MYO5A: variants seen among roughly 807,000 people sequenced by gnomAD.
The protein encoded by MYO5A is unconventional myosin-Va.
A neutral mutation model predicts 249.7 loss-of-function variants in MYO5A; 98 were observed. The observed-to-expected ratio is 0.39, with a 90% CI of 0.33 to 0.46. MYO5A has a LOEUF of 0.46. MYO5A is among the 20% of genes least tolerant of loss of function. The pLI is 0.98. For synonymous variants in MYO5A, 778 were observed against 810.6 expected (o/e 0.96, Z 0.68); for missense variants, 1,696 against 2,308.8 (o/e 0.73, Z 5.44).
Position 52,442,512 on chromosome 15 carries a change from C to T in MYO5A, c.28-9227G>A, listed in dbSNP as rs145881097. Among the ~76,000 whole-genome samples the T allele has an allele frequency of 1.9e-3, 295 of 152,286 alleles. 1 individual carries two copies. Among genetic ancestry groups the T allele is most frequent in the African/African-American group, 6.5e-3 (269 of 41,558 alleles). On this transcript the variant is annotated intron_variant, in intron 1 of 41. Transcript: ENST00000399233. ...ACCAACTCTGCTTGACAGGACTTAG[C>T]AAAGGCTTATAAGGAACCAGAGCTA...
intron 1 of MYO5A, among the ~76,000 whole-genome samples, chr15:52,443,287 C>CA (rs535049046): frequency 8.7e-4 from 132 of 151,804 alleles, no homozygotes; most frequent in Non-Finnish European, 1.6e-3. Flanking sequence ...TCAATAACAG[C>CA]AAAAAAACAA....
intron 11 of MYO5A, among the ~76,000 whole-genome samples, chr15:52,392,894 C>T (rs148035817): frequency 1.3e-5 from 2 of 152,298 alleles, no homozygotes; most frequent in Non-Finnish European, 2.9e-5. Flanking sequence ...AGGAAAATAA[C>T]GTGAACTATA....
intron 1 of MYO5A, among the ~76,000 whole-genome samples, chr15:52,489,122 C>A (rs2141528845): frequency 1.3e-5 from 2 of 152,102 alleles, no homozygotes; most frequent in Middle Eastern, 6.8e-3. Flanking sequence ...TCAAAATGGA[C>A]CAAAGACCTA....
chr15:52,450,599 G>A (rs551249043), intron 1 of MYO5A, among the ~76,000 whole-genome samples: 1 of 151,610 alleles, frequency 6.6e-6, no homozygotes, highest in African/African-American at 2.4e-5. Flanking sequence ...AACTCAAGAG[G>A]TGGAGGCTGC....
At chr15:52,461,989 C>T (rs11852880) in intron 1 of MYO5A, among the ~76,000 whole-genome samples, 22,696 of 140,558 alleles carry the variant, frequency 0.16, 1,825 homozygotes, top group Middle Eastern at 0.32. Flanking sequence ...TTGGGCCAGG[C>T]GCAGTGGCTC....
chr15:52,351,550 C>T (rs1470440887), intron 27 of MYO5A, 69 bp from the exon 28 acceptor site: 1 of 1,422,316 alleles, frequency 7.0e-7, no homozygotes, highest in Non-Finnish European at 9.9e-7. Context: ...TCAAACTTCT[C>T]CCAAGCTGGT....
At chr15:52,429,675 C>T (rs2462849) in intron 2 of MYO5A, among the ~76,000 whole-genome samples, 47,624 of 148,546 alleles carry the variant, frequency 0.32, 9,721 homozygotes, top group East Asian at 0.66. Flanking sequence ...GGCTACAGAG[C>T]GAGACTCCAT....
chr15:52,426,087 G>C, intron 3 of MYO5A, 113 bp from the exon 4 acceptor site: 2 of 946,866 alleles, frequency 2.1e-6, no homozygotes, highest in Non-Finnish European at 3.2e-6. Context: ...TTTCAATTTA[G>C]TTAATATTAA....
At chr15:52,339,044 A>G (rs1339562487) in intron 32 of MYO5A, among the ~76,000 whole-genome samples, 1 of 152,166 alleles carries the variant, frequency 6.6e-6, no homozygotes, top group African/African-American at 2.4e-5. Flanking sequence ...TTTCCCCACA[A>G]ATTAGTGAGA....
intron 1 of MYO5A, among the ~76,000 whole-genome samples, chr15:52,479,355 TTATG>T (rs1330813539): frequency 6.6e-6 from 1 of 152,226 alleles, no homozygotes; most frequent in Admixed American, 6.5e-5. Flanking sequence ...TACGTATACT[TTATG>T]TATTCATGAC....
chr15:52,391,126 T>C (rs886967969), intron 12 of MYO5A, among the ~76,000 whole-genome samples: 1 of 152,244 alleles, frequency 6.6e-6, no homozygotes, highest in Non-Finnish European at 1.5e-5. Flanking sequence ...ATGATAAATG[T>C]TGTCAAATAT....
intron 31 of MYO5A, among the ~76,000 whole-genome samples, chr15:52,341,741 G>GAACA (rs3079005): frequency 0.98 from 149,120 of 152,218 alleles, 73,118 homozygotes; most frequent in Middle Eastern, 1. Flanking sequence ...TTAATGATGA[G>GAACA]AACAAAGCAG....
At chr15:52,488,039 C>T (rs11855761) in intron 1 of MYO5A, among the ~76,000 whole-genome samples, 1 of 151,912 alleles carries the variant, frequency 6.6e-6, no homozygotes, top group African/African-American at 2.4e-5. Flanking sequence ...TTTGTGAATT[C>T]TTAACTTCTA....
intron 1 of MYO5A, among the ~76,000 whole-genome samples, chr15:52,456,640 A>G (rs948982226): frequency 1.3e-5 from 2 of 152,190 alleles, no homozygotes; most frequent in African/African-American, 4.8e-5. Flanking sequence ...CCAAGGGAAA[A>G]GAATAGAGAA....
At chr15:52,416,025 T>C in intron 5 of MYO5A, 120 bp downstream of exon 5, 1 of 1,198,722 alleles carries the variant, frequency 8.3e-7, no homozygotes, top group Non-Finnish European at 1.2e-6. Context: ...AGAAAAGCAT[T>C]TTCTTAATTT....
intron 23 of MYO5A, among the ~76,000 whole-genome samples, chr15:52,365,203 A>C (rs2040749112): frequency 6.6e-6 from 1 of 152,174 alleles, no homozygotes; most frequent in Non-Finnish European, 1.5e-5. Context: ...GTTCTGTCTT[A>C]CGTTTTCTAC....
chr15:52,468,556 GT>G (rs2076397046), intron 1 of MYO5A, among the ~76,000 whole-genome samples: 2 of 152,122 alleles, frequency 1.3e-5, no homozygotes, highest in African/African-American at 4.8e-5. Context: ...TGTAGTTCCA[GT>G]TACTTGGGAG....
intron 34 of MYO5A, among the ~76,000 whole-genome samples, chr15:52,331,065 A>G (rs1028732524): frequency 1.3e-5 from 2 of 152,220 alleles, no homozygotes; most frequent in African/African-American, 2.4e-5. Flanking sequence ...CACTTGGTCC[A>G]AAATGTATTA....
intron 1 of MYO5A, among the ~76,000 whole-genome samples, chr15:52,448,273 A>G (rs1019752178): frequency 4.6e-5 from 7 of 152,182 alleles, no homozygotes; most frequent in African/African-American, 1.7e-4. Flanking sequence ...TTAAGATTTA[A>G]TGACTGTCCT....
Sources: allele counts gnomAD v4.1 joint callset (sites outside exome capture counted in the v4.1 genomes callset), GRCh38; gene constraint gnomAD v4.1.1; transcripts MANE v1.5; gene names NCBI Gene and HGNC (gene_info 2026-07-23, HGNC 2026-07-21).